The following GABBR2 variants were observed in gnomAD, a reference collection of about 807,000 sequenced individuals.
GABBR2 encodes the protein G-protein coupled receptor 51.
In GABBR2, 23 loss-of-function variants were observed where a neutral mutation model predicts 105.6. That is an observed-to-expected ratio of 0.22 (90% CI 0.16 to 0.31). The LOEUF (loss-of-function observed/expected upper bound fraction) is 0.31. Ranked by LOEUF, GABBR2 falls within the 10% of genes least tolerant of loss-of-function variation. GABBR2 has a pLI of 1.00. For synonymous variants in GABBR2, 478 were observed against 499.7 expected (o/e 0.96, Z 0.58); for missense variants, 734 against 1,245.5 (o/e 0.59, Z 6.18).
chr9:98,504,992 GA>G (rs1221132965), intron 3 of GABBR2, among the ~76,000 whole-genome samples: 5 of 152,248 alleles, frequency 3.3e-5, no homozygotes, highest in Admixed American at 1.3e-4. Flanking sequence ...CTGTCATGTA[GA>G]GGGGGGGCAC....
intron 2 of GABBR2, among the ~76,000 whole-genome samples, chr9:98,559,980 ACACACACACACACACT>A (rs934814525): frequency 1.1e-4 from 16 of 151,892 alleles, no homozygotes; most frequent in African/African-American, 3.6e-4. Flanking sequence ...GAACAAACAC[ACACACACACACACACT>A]CACACACACA....
chr9:98,320,782 A>G (rs1451084145), intron 13 of GABBR2, among the ~76,000 whole-genome samples: 1 of 137,564 alleles, frequency 7.3e-6, no homozygotes, highest in Non-Finnish European at 1.5e-5. Context: ...GAACAATGAG[A>G]TCACATGGAC....
intron 13 of GABBR2, among the ~76,000 whole-genome samples, chr9:98,319,357 G>T (rs1006612416): frequency 6.6e-6 from 1 of 152,100 alleles, no homozygotes; most frequent in Non-Finnish European, 1.5e-5. Context: ...TATCTCCACA[G>T]CAGCAGCCCC....
chr9:98,290,493 C>G lies in GABBR2; in HGVS notation c.*91G>C, dbSNP rs940451255. Reference sequence around the variant, plus strand: ...GGCCAGCCATGGTGCCCAGCTTCTCCGCAGCCAGAGCCGACAGTGTTTCTG... The same window carrying G: ...GGCCAGCCATGGTGCCCAGCTTCTCGGCAGCCAGAGCCGACAGTGTTTCTG... On this transcript the variant is annotated 3_prime_UTR_variant, in exon 19 of 19. Coordinates refer to ENST00000259455, the MANE Select transcript of GABBR2 (RefSeq NM_005458.8). The G allele has an allele frequency of 4.6e-5, 45 of 973,220 alleles. No homozygotes were observed. The highest frequency in any genetic ancestry group is 6.1e-5 in the Non-Finnish European group (45 of 732,934). 60.3% of individuals were successfully genotyped at this position (973,220 alleles called of 1,614,324 possible).
chr9:98,674,509 A>G (rs1333840794), intron 1 of GABBR2, among the ~76,000 whole-genome samples: 1 of 152,064 alleles, frequency 6.6e-6, no homozygotes, highest in Non-Finnish European at 1.5e-5. Context: ...AGGTAAGAAA[A>G]AAATCCCCAC....
At chr9:98,368,301 TAAA>T (rs138373969) in intron 12 of GABBR2, among the ~76,000 whole-genome samples, 2 of 99,872 alleles carry the variant, frequency 2.0e-5, no homozygotes, top group Admixed American at 1.0e-4. Context: ...TTTTAAAAAG[TAAA>T]AAAAAAAAAA....
chr9:98,575,716 C>T (rs568535963), intron 2 of GABBR2, among the ~76,000 whole-genome samples: 9 of 152,318 alleles, frequency 5.9e-5, no homozygotes, highest in East Asian at 1.9e-4. Flanking sequence ...CAGGCTCCCA[C>T]GGCACACTGA....
intron 13 of GABBR2, among the ~76,000 whole-genome samples, chr9:98,316,126 G>C (rs1218270989): frequency 6.6e-6 from 1 of 151,410 alleles, no homozygotes; most frequent in Non-Finnish European, 1.5e-5. Context: ...TCTTGCTCTG[G>C]ATAGCTGGCC....
chr9:98,531,993 A>G (rs995114154), intron 3 of GABBR2, among the ~76,000 whole-genome samples: 1 of 152,214 alleles, frequency 6.6e-6, no homozygotes, highest in African/African-American at 2.4e-5. Flanking sequence ...CCGTGTAAGC[A>G]TTAATTAGTA....
At chr9:98,394,301 T>A in intron 8 of GABBR2, 46 bp from the exon 9 acceptor site, 1 of 1,400,476 alleles carries the variant, frequency 7.1e-7, no homozygotes, top group Non-Finnish European at 1.0e-6. Flanking sequence ...GGATCTGGGT[T>A]TGTGTCTGGG....
chr9:98,316,912 G>A (rs892110778), intron 13 of GABBR2, among the ~76,000 whole-genome samples: 1 of 152,148 alleles, frequency 6.6e-6, no homozygotes, highest in Non-Finnish European at 1.5e-5. Context: ...TTAAACCCAG[G>A]CGTGTGTGAC....
intron 7 of GABBR2, among the ~76,000 whole-genome samples, chr9:98,444,904 C>T (rs1167030217): frequency 6.6e-6 from 1 of 151,918 alleles, no homozygotes; most frequent in African/African-American, 2.4e-5. Flanking sequence ...CACACACGCA[C>T]GTGACCTTGT....
At chr9:98,500,386 G>C (rs2131677116) in intron 3 of GABBR2, among the ~76,000 whole-genome samples, 1 of 152,320 alleles carries the variant, frequency 6.6e-6, no homozygotes, top group South Asian at 2.1e-4. Context: ...TGATGGGCAG[G>C]GGAGGTTAGA....
chr9:98,513,734 G>A (rs377197434), intron 3 of GABBR2, among the ~76,000 whole-genome samples: 254 of 151,984 alleles, frequency 1.7e-3, no homozygotes, highest in African/African-American at 5.5e-3. Context: ...TTAGAATGGC[G>A]ATCATTAAAA....
chr9:98,328,043 T>TTTTTTTTTTTTTTG (rs1433638259), intron 13 of GABBR2, among the ~76,000 whole-genome samples: 1 of 150,312 alleles, frequency 6.7e-6, no homozygotes, highest in Non-Finnish European at 1.5e-5. Flanking sequence ...ATCAATATTC[T>TTTTTTTTTTTTTTG]AAACCATATA....
chr9:98,648,116 T>TGTGTGTAGATAGATAGATAG, intron 1 of GABBR2, among the ~76,000 whole-genome samples: 1 of 55,948 alleles, frequency 1.8e-5, no homozygotes, highest in Non-Finnish European at 3.4e-5. Context: ...TGTGTGTGTG[T>TGTGTGTAGATAGATAGATAG]ATAGATAGAT....
At chr9:98,634,077 C>T (rs1469403475) in intron 1 of GABBR2, among the ~76,000 whole-genome samples, 2 of 152,114 alleles carry the variant, frequency 1.3e-5, no homozygotes, top group Non-Finnish European at 2.9e-5. Context: ...TGCAGTGGAG[C>T]CTTAAGTTGG....
chr9:98,515,433 A>G (rs1314327556), intron 3 of GABBR2, among the ~76,000 whole-genome samples: 2 of 152,186 alleles, frequency 1.3e-5, no homozygotes, highest in Non-Finnish European at 2.9e-5. Context: ...TGCACTTTTT[A>G]TTAGCAGCTT....
chr9:98,305,002 G>A (rs1321473728), intron 15 of GABBR2, among the ~76,000 whole-genome samples: 3 of 121,564 alleles, frequency 2.5e-5, no homozygotes, highest in African/African-American at 9.6e-5. Context: ...TGAACTCCTA[G>A]CCTCAAGTGA....
Sources: gnomAD v4.1 joint callset for allele counts (sites outside exome capture counted in the v4.1 genomes callset) on GRCh38, gnomAD v4.1.1 for gene constraint, MANE v1.5 for transcripts, NCBI Gene and HGNC (gene_info 2026-07-23, HGNC 2026-07-21) for gene names.